ABCA8: variants seen among roughly 807,000 people sequenced by gnomAD.
ABCA8 encodes the protein ATP binding cassette subfamily A member 8.
In ABCA8, 177 loss-of-function variants were observed where a neutral mutation model predicts 192.3. The observed-to-expected ratio is 0.92, with a 90% CI of 0.81 to 1.04. ABCA8 has a LOEUF of 1.04. Among genes scored for constraint, ABCA8 ranks in the 50% least tolerant of loss-of-function variants. The pLI is 0.00. For synonymous variants in ABCA8, 642 were observed against 690.2 expected (o/e 0.93, Z 1.09); for missense variants, 1,915 against 1,904.8 (o/e 1.01, Z -0.10).
rs748140587 is a variant in ABCA8 at position 68,883,846 on chromosome 17, G to A, written c.3652C>T (p.Arg1218Ter). 3.2e-5 allele frequency: 51 copies of A among 1,596,860 alleles called. No individual in the cohort carries two copies. In the East Asian group the frequency reaches 6.1e-4, roughly 19 times the overall value. ...TTTCCAAACTTCCATTCCAGACATC[G>A]AAGAGTAAAAAGAAAAATGATAAAA... ...LHFIIFLFTL[R>*]CLEWKFGKKS... The change falls in exon 29 of 40, where the codon CGA becomes TGA. Residue 1218 changes from arginine to a stop codon, truncating the protein, a stop_gained. Transcript: ENST00000586539. LOFTEE classifies it high-confidence loss of function.
chr17:68,907,906 C>T (rs1276445766), intron 17 of ABCA8, 27 bp from the exon 18 acceptor site: 1 of 1,497,990 alleles, frequency 6.7e-7, no homozygotes, highest in Non-Finnish European at 9.0e-7. Flanking sequence ...AAAAAAAAGA[C>T]ATATGTTACT....
chr17:68,894,855 G>A, intron 22 of ABCA8, 25 bp downstream of exon 22: 1 of 1,591,644 alleles, frequency 6.3e-7, no homozygotes. Flanking sequence ...ACATTTTTCA[G>A]AAAGATTATT....
At chr17:68,869,300 C>G (rs186045790) in intron 38 of ABCA8, among the ~76,000 whole-genome samples, 15 of 152,230 alleles carry the variant, frequency 9.9e-5, no homozygotes, top group Admixed American at 8.5e-4. Flanking sequence ...AATGACCAGA[C>G]AGGAGTCAGT....
chr17:68,881,807 A>G, intron 31 of ABCA8, 56 bp downstream of exon 31: 2 of 1,277,972 alleles, frequency 1.6e-6, no homozygotes, highest in East Asian at 4.6e-5. Context: ...CTCATTAGGA[A>G]CCAGGAACCT....
intron 17 of ABCA8, among the ~76,000 whole-genome samples, chr17:68,916,053 G>A (rs2143587768): frequency 6.6e-6 from 1 of 152,142 alleles, no homozygotes. Flanking sequence ...GTTTTCATTC[G>A]TTTGTGAGAG....
intron 4 of ABCA8, 27 bp from the exon 5 acceptor site, chr17:68,937,142 G>T: frequency 6.4e-7 from 1 of 1,554,296 alleles, no homozygotes; most frequent in Non-Finnish European, 8.7e-7. Context: ...GAATATTATT[G>T]TTAGTAAATT....
chr17:68,900,882 A>G (rs1454643994), intron 21 of ABCA8, among the ~76,000 whole-genome samples: 2 of 152,098 alleles, frequency 1.3e-5, no homozygotes, highest in Non-Finnish European at 2.9e-5. Context: ...CCCTAAAACA[A>G]AAAAAAACTA....
At chr17:68,887,209 T>C in intron 25 of ABCA8, 79 bp from the exon 26 acceptor site, 3 of 1,355,728 alleles carry the variant, frequency 2.2e-6, no homozygotes, top group Middle Eastern at 1.9e-4. Flanking sequence ...AACATTGTCA[T>C]AGCCCAGGAT....
rs2066967974 is a variant in ABCA8, at chr17:68,903,485, C to G, written c.2413G>C (p.Gly805Arg). ...TCAGCTTTTTCCGCTTGTACTTCTC[C>G]CAAAATAGCAATGTCTGCAAAACAT... Reference protein sequence around the residue: ...TINESDIAILGEVQAEKADDT... With the variant: ...TINESDIAILREVQAEKADDT... The change falls in exon 20 of 40, where the codon GGA (glycine) becomes CGA (arginine). Residue 805 changes from glycine to arginine, a missense_variant. By Grantham distance (125) the Gly-to-Arg change is moderately radical (BLOSUM62 -2). Coordinates refer to ENST00000586539, the MANE Select transcript of ABCA8 (RefSeq NM_001288985.2). 1 of 1,614,030 alleles carries G rather than the reference C, an allele frequency of 6.2e-7. No homozygotes were observed. Among genetic ancestry groups the G allele is most frequent in the Non-Finnish European group, 8.5e-7 (1 of 1,179,998 alleles).
At chr17:68,870,975 T>C (rs950308583) in intron 37 of ABCA8, among the ~76,000 whole-genome samples, 1 of 152,210 alleles carries the variant, frequency 6.6e-6, no homozygotes, top group African/African-American at 2.4e-5. Flanking sequence ...TGTGCAAGCA[T>C]TCCAATTTCT....
intron 19 of ABCA8, among the ~76,000 whole-genome samples, chr17:68,905,523 G>A (rs566452784): frequency 4.6e-4 from 70 of 151,992 alleles, no homozygotes; most frequent in South Asian, 1.2e-3. Flanking sequence ...TATTATGTTC[G>A]GCTTCAAAAC....
intron 11 of ABCA8, 132 bp from the exon 12 acceptor site, chr17:68,922,432 A>G: frequency 2.5e-5 from 15 of 606,650 alleles, no homozygotes; most frequent in Non-Finnish European, 3.8e-5. Context: ...ACACAGTCAT[A>G]GCTGTGTGAC....
At chr17:68,895,627 C>T (rs1255861816) in intron 21 of ABCA8, among the ~76,000 whole-genome samples, 2 of 152,196 alleles carry the variant, frequency 1.3e-5, no homozygotes, top group African/African-American at 4.8e-5. Flanking sequence ...TCCCCACTTC[C>T]TTCCCAGATC....
chr17:68,928,801 AG>A (rs1462862590), intron 9 of ABCA8, among the ~76,000 whole-genome samples: 2 of 152,236 alleles, frequency 1.3e-5, no homozygotes, highest in African/African-American at 4.8e-5. Context: ...TAATAGCCTA[AG>A]AAAATACTTT....
intron 1 of ABCA8, among the ~76,000 whole-genome samples, chr17:68,949,968 A>G (rs950177923): frequency 6.6e-6 from 1 of 152,220 alleles, no homozygotes; most frequent in Non-Finnish European, 1.5e-5. Flanking sequence ...AGAAAGAAAT[A>G]AAGGTATTCA....
Position 68,907,873 on chromosome 17 carries a change from C to G in ABCA8, c.2145G>C (p.Gln715His). 1.9e-6 allele frequency: 3 copies of G among 1,562,540 alleles called. No homozygotes were observed. Among genetic ancestry groups the G allele is most frequent in the Non-Finnish European group, 2.6e-6 (3 of 1,161,992 alleles). ...TTTCCTCAACACATATTTCATTTAA[C>G]TGCAAGCTGGCATTCAGAAAAAAAA... ...KWGIGYHLSL[Q>H]LNEICVEENI... Residue 715 changes from glutamine (Q) to histidine (H), a missense_variant, in exon 18 of 40, where the codon CAG becomes CAC. Transcript: ENST00000586539.
intron 26 of ABCA8, among the ~76,000 whole-genome samples, chr17:68,886,560 C>G (rs912760939): frequency 7.9e-5 from 12 of 152,120 alleles, no homozygotes; most frequent in African/African-American, 2.9e-4. Context: ...ATAATAGACT[C>G]TTAAGATGGA....
intron 24 of ABCA8, 38 bp from the exon 25 acceptor site, chr17:68,887,544 T>G (rs1009498363): frequency 4.6e-6 from 7 of 1,536,242 alleles, no homozygotes; most frequent in Non-Finnish European, 6.2e-6. Flanking sequence ...GTTTGTGGCT[T>G]AAGAATATGT....
At chr17:68,884,847 G>A (rs540201195) in intron 27 of ABCA8, 2 of 985,320 alleles carry the variant, frequency 2.0e-6, no homozygotes, top group African/African-American at 3.5e-5. Flanking sequence ...CTTATCTTGG[G>A]TGCTTCTTTA....
Sources: gnomAD v4.1 joint callset for allele counts (sites outside exome capture counted in the v4.1 genomes callset) on GRCh38, gnomAD v4.1.1 for gene constraint, MANE v1.5 for transcripts, NCBI Gene and HGNC (gene_info 2026-07-23, HGNC 2026-07-21) for gene names.